The following MUC5AC variants were observed in gnomAD, a reference collection of about 807,000 sequenced individuals.
MUC5AC encodes mucin 5AC, oligomeric mucus/gel-forming.
Under a neutral mutation model 169.7 loss-of-function variants are expected in MUC5AC, and 158 were observed. That is an observed-to-expected ratio of 0.93 (90% CI 0.82 to 1.06). The LOEUF (loss-of-function observed/expected upper bound fraction) is 1.06. Ranked by LOEUF, MUC5AC falls within the 50% of genes least tolerant of loss-of-function variation. MUC5AC has a pLI of 0.00. For missense variants in MUC5AC, 4,359 were observed against 3,089.9 expected, an observed-to-expected ratio of 1.41 and a Z score of -9.74; for synonymous variants, 1,975 against 1,237.0, an observed-to-expected ratio of 1.60 and a Z score of -12.52.
intron 30 of MUC5AC, among the ~76,000 whole-genome samples, chr11:1,181,904 G>A (rs974312208): frequency 5.9e-5 from 9 of 152,222 alleles, no homozygotes; most frequent in African/African-American, 9.6e-5. Flanking sequence ...TGGAACTCAC[G>A]TGTTCTGGGG....
In MUC5AC at chr11:1,181,310, G is replaced by A. The variant is rs1860809872; in HGVS notation, c.3860G>A (p.Gly1287Glu). The change falls in exon 30 of 49, where the codon GGG becomes GAG. Residue 1287 changes from glycine to glutamate, a missense_variant. Coordinates refer to ENST00000621226, the MANE Select transcript of MUC5AC (RefSeq NM_001304359.2). Reference protein sequence around the residue: ...CTYNGQRFHPGDVIYHTTDGT... With the variant: ...CTYNGQRFHPEDVIYHTTDGT... Reference sequence around the variant, plus strand: ...TACAATGGACAGCGCTTCCACCCAGGGGACGTCATCTACCACACGACGGAT... The same window carrying A: ...TACAATGGACAGCGCTTCCACCCAGAGGACGTCATCTACCACACGACGGAT... 1 of 398,584 alleles carries A rather than the reference G, an allele frequency of 2.5e-6. No individual in the cohort carries two copies. The highest frequency in any genetic ancestry group is 2.1e-5 in the African/African-American group (1 of 48,716). 24.7% of individuals were successfully genotyped at this position (398,584 alleles called of 1,614,324 possible).
chr11:1,173,237 T>C (rs2133739226), intron 16 of MUC5AC, among the ~76,000 whole-genome samples: 1 of 150,208 alleles, frequency 6.7e-6, no homozygotes, highest in African/African-American at 2.5e-5. Context: ...TCTTCACTCA[T>C]TTACTCATTT....
chr11:1,166,109 C>G (rs948318904), intron 11 of MUC5AC, among the ~76,000 whole-genome samples: 3 of 151,658 alleles, frequency 2.0e-5, no homozygotes, highest in African/African-American at 7.3e-5. Flanking sequence ...AGTGTCCCCA[C>G]GATGAGACCC....
At chr11:1,164,580 G>T in intron 9 of MUC5AC, 48 bp downstream of exon 9, 1 of 1,564,312 alleles carries the variant, frequency 6.4e-7, no homozygotes, top group Non-Finnish European at 8.6e-7. Flanking sequence ...CCGACAACTA[G>T]GGGGCTGTGC....
intron 9 of MUC5AC, 128 bp from the exon 10 acceptor site, chr11:1,165,174 G>GC: frequency 5.9e-6 from 5 of 854,410 alleles, no homozygotes; most frequent in Non-Finnish European, 7.1e-6. Context: ...GCTGGCTGAG[G>GC]CCCCCGTCCT....
chr11:1,164,074 A>C (rs771746322), intron 7 of MUC5AC, 32 bp from the exon 8 acceptor site: 5 of 1,610,776 alleles, frequency 3.1e-6, no homozygotes, highest in Non-Finnish European at 2.5e-6. Flanking sequence ...TCCCCCACCG[A>C]GGACTCAGAC....
rs1049585421 is a variant in MUC5AC at position 1,174,612 on chromosome 11, C to T, written c.2082C>T (p.Asp694=). ...GCGTGCAGCTCGGCGGCTGGAGGGA[C>T]GGCGTCTGCAGTGAGTGCCTGCCAA... ...AKGVQLGGWR[D]GVCTKPMTTC... is the part of the protein sequence containing the mutation. The change falls in exon 17 of 49, where the codon GAC becomes GAT. Residue 694 remains aspartate, a synonymous_variant. Coordinates refer to ENST00000621226, the MANE Select transcript of MUC5AC (RefSeq NM_001304359.2). 72 of 1,287,192 alleles carry T rather than the reference C, an allele frequency of 5.6e-5. No individual in the cohort carries two copies. Among genetic ancestry groups the T allele is most frequent in the Admixed American group, 4.1e-4 (20 of 48,434 alleles). The allele number at this position is 1,287,192 out of a possible 1,614,324, so 79.7% of individuals were successfully genotyped here.
rs1860936507 is a variant in MUC5AC at position 1,186,078 on chromosome 11, A to G, written c.7933A>G (p.Thr2645Ala). The part of the protein sequence containing the change: ...TPSPVPTAST[T>A]SASTTSTTSG... ...CAGCCCTGTTCCTACCGCCAGCACAACCTCTGCTTCTACAACTAGCACAAC... is the reference window on the plus strand; with the variant it reads ...CAGCCCTGTTCCTACCGCCAGCACAGCCTCTGCTTCTACAACTAGCACAAC... Residue 2645 changes from threonine to alanine, a missense_variant, in exon 31 of 49, where the codon ACC (threonine) becomes GCC (alanine). Thr to Ala is a moderately conservative substitution (Grantham distance 58). Transcript: ENST00000621226. 1.3e-6 allele frequency: 1 copy of G among 744,888 alleles called. No individual in the cohort carries two copies. 46.1% of individuals were successfully genotyped at this position (744,888 alleles called of 1,614,324 possible).
At chr11:1,196,850 A>T (rs1001874363) in intron 39 of MUC5AC, 27 bp from the exon 40 acceptor site, 1 of 761,004 alleles carries the variant, frequency 1.3e-6, no homozygotes, top group Non-Finnish European at 2.4e-6. Context: ...GCTGACCCCC[A>T]GTAACCTCAG....
chr11:1,169,842 C>CTCACT, intron 15 of MUC5AC, among the ~76,000 whole-genome samples: 1 of 128,126 alleles, frequency 7.8e-6, no homozygotes, highest in East Asian at 2.6e-4. Context: ...ACTCACTCAC[C>CTCACT]CACTCACCGA....
rs1439024917 is a variant in MUC5AC at position 1,187,246 on chromosome 11, C to A, written c.9101C>A (p.Thr3034Asn). 5 of 699,328 alleles carry A rather than the reference C, an allele frequency of 7.1e-6. No homozygotes were observed. The highest frequency in any genetic ancestry group is 1.3e-5 in the Non-Finnish European group (5 of 384,330). The allele number at this position is 699,328 out of a possible 1,614,324, so 43.3% of individuals were successfully genotyped here. The change falls in exon 31 of 49, where the codon ACC becomes AAC. Residue 3034 changes from threonine (T) to asparagine (N), a missense_variant. Coordinates refer to ENST00000621226, the MANE Select transcript of MUC5AC (RefSeq NM_001304359.2). Reference protein sequence around the residue: ...PTTSTTSAPTTSTTSTPTSST... With the variant: ...PTTSTTSAPTNSTTSTPTSST... Reference sequence around the variant, plus strand: ...ACCAGCACAACCTCTGCCCCTACAACCAGCACAACCTCTACCCCTACAAGC... The same window carrying A: ...ACCAGCACAACCTCTGCCCCTACAAACAGCACAACCTCTACCCCTACAAGC...
In MUC5AC at chr11:1,188,083, A is replaced by T; in HGVS notation, c.9938A>T (p.Tyr3313Phe). The change falls in exon 31 of 49, where the codon TAC becomes TTC. Residue 3313 changes from tyrosine to phenylalanine, a missense_variant. Physicochemically the swap from Tyr to Phe is conservative, Grantham distance 22 (BLOSUM62 3). Coordinates refer to ENST00000621226, the MANE Select transcript of MUC5AC (RefSeq NM_001304359.2). ...GGACCCTTCAAGATGTGCCTCAACT[A>T]CGAGGTGCGTGTGCTCTGCTGCGAG... is the stretch of plus-strand genomic sequence containing the variant. The part of the protein sequence containing the change: ...QQGPFKMCLN[Y>F]EVRVLCCETP... The T allele has an allele frequency of 1.3e-6, 1 of 742,492 alleles. No individual in the cohort carries two copies. Among genetic ancestry groups the T allele is most frequent in the Non-Finnish European group, 2.5e-6 (1 of 405,122 alleles). The allele number at this position is 742,492 out of a possible 1,614,324, so 46.0% of individuals were successfully genotyped here. A position where few individuals can be genotyped will look rare whatever the true frequency, so the allele number is the denominator to read the frequency against.
rs569300145 is a variant in MUC5AC, at chr11:1,160,519, C to T, written c.74-93C>T. On this transcript the variant is annotated intron_variant, in intron 1 of 48. Transcript: ENST00000621226. ...GCCACCCCCACGCACTGTGGCCTCC[C>T]GTCCCTCTGGTGTCCATGCTGCATC... The T allele has an allele frequency of 2.2e-5, 25 of 1,117,342 alleles. No homozygotes were observed. The South Asian group carries it at 2.6e-4, about 11-fold the overall frequency. 69.2% of individuals were successfully genotyped at this position (1,117,342 alleles called of 1,614,324 possible).
Position 1,168,899 on chromosome 11 carries a change from C to T in MUC5AC, c.1743C>T (p.Asp581=), listed in dbSNP as rs1424342840. 6.2e-7 allele frequency: 1 copy of T among 1,609,838 alleles called. No individual in the cohort carries two copies. The highest frequency in any genetic ancestry group is 1.3e-5 in the African/African-American group (1 of 74,988). ...ACTTCAACAGCATCCAGGCCGATGA[C>T]TTCCGGACCCTCAGTGGGGTGGTGG... is the stretch of plus-strand genomic sequence containing the variant. ...CGNFNSIQAD[D]FRTLSGVVEA... The change falls in exon 15 of 49, where the codon GAC becomes GAT. Residue 581 remains aspartate (D), a synonymous_variant. Coordinates refer to ENST00000621226, the MANE Select transcript of MUC5AC (RefSeq NM_001304359.2).
In MUC5AC at chr11:1,176,957, C is replaced by T; in HGVS notation, c.2684C>T (p.Thr895Ile). 1 of 399,152 alleles carries T rather than the reference C, an allele frequency of 2.5e-6. No individual in the cohort carries two copies. Among genetic ancestry groups the T allele is most frequent in the Non-Finnish European group, 4.4e-6 (1 of 226,476 alleles). 24.7% of individuals were successfully genotyped at this position (399,152 alleles called of 1,614,324 possible). Residue 895 changes from threonine (T) to isoleucine (I), a missense_variant, in exon 22 of 49, where the codon ACA becomes ATA. Transcript: ENST00000621226. Reference protein sequence around the residue: ...CTCDSRMWRCTDDPCLATCAV... With the variant: ...CTCDSRMWRCIDDPCLATCAV... ...TGTGACAGCAGGATGTGGCGGTGCA[C>T]AGATGACCCCTGCCTGGCCACCTGC...
At chr11:1,162,400 G>T (rs1041145295) in intron 4 of MUC5AC, 132 bp from the exon 5 acceptor site, 1 of 1,046,948 alleles carries the variant, frequency 9.6e-7, no homozygotes. Context: ...AGCTCCAGAG[G>T]TCAATGTCCC....
rs751157368 is a variant in MUC5AC, at chr11:1,164,235, G to A, written c.919G>A (p.Val307Ile). The change falls in exon 8 of 49, where the codon GTC (valine) becomes ATC (isoleucine). Residue 307 changes from valine to isoleucine, a missense_variant. Coordinates refer to ENST00000621226, the MANE Select transcript of MUC5AC (RefSeq NM_001304359.2). ...FCEDTDLLSC[V>I]CHTLAEYSRQ... is the part of the protein sequence containing the mutation. ...TGAAGACACCGACCTGCTCAGCTGC[G>A]TCTGCCACACCCTTGCCGAGTACTC... The A allele has an allele frequency of 2.5e-5, 40 of 1,612,522 alleles. No homozygotes were observed. Among genetic ancestry groups the A allele is most frequent in the East Asian group, 8.9e-5 (4 of 44,898 alleles).
rs1860996620 is a variant in MUC5AC at position 1,188,057 on chromosome 11, G to A, written c.9912G>A (p.Gln3304=). The A allele has an allele frequency of 1.3e-6, 1 of 750,816 alleles. No individual in the cohort carries two copies. Among genetic ancestry groups the A allele is most frequent in the Non-Finnish European group, 2.4e-6 (1 of 410,330 alleles). 46.5% of individuals were successfully genotyped at this position (750,816 alleles called of 1,614,324 possible). ...EGLVCRNQDQ[Q]GPFKMCLNYE... ...TGGTGTGCCGGAACCAGGACCAGCA[G>A]GGACCCTTCAAGATGTGCCTCAACT... Residue 3304 remains glutamine (Q), a synonymous_variant, in exon 31 of 49, where the codon CAG becomes CAA. Coordinates refer to ENST00000621226, the MANE Select transcript of MUC5AC (RefSeq NM_001304359.2).
At chr11:1,193,422 G>T in intron 32 of MUC5AC, 63 bp from the exon 33 acceptor site, 1 of 666,544 alleles carries the variant, frequency 1.5e-6, no homozygotes, top group Non-Finnish European at 2.8e-6. Context: ...GTGACCCCGA[G>T]AACCAAGGGG....
Sources: allele counts gnomAD v4.1 joint callset (sites outside exome capture counted in the v4.1 genomes callset), GRCh38; gene constraint gnomAD v4.1.1; transcripts MANE v1.5; gene names NCBI Gene and HGNC (gene_info 2026-07-23, HGNC 2026-07-21).